CYP2C19: variants seen among roughly 807,000 people sequenced by gnomAD.
The protein encoded by CYP2C19 is cytochrome P450 family 2 subfamily C member 19, also known as cytochrome P450 2C19.
Under a neutral mutation model 40.9 loss-of-function variants are expected in CYP2C19, and 59 were observed. That is an observed-to-expected ratio of 1.44 (90% CI 1.17 to 1.79). The LOEUF (loss-of-function observed/expected upper bound fraction) is 1.79. CYP2C19 is among the 40% of genes most tolerant of loss of function. The probability of loss-of-function intolerance (pLI) is 0.00; values close to 1 mark genes in which losing one functional copy is unlikely to be tolerated. For synonymous variants in CYP2C19, 253 were observed against 208.7 expected, an observed-to-expected ratio of 1.21 and a Z score of -1.83; for missense variants, 754 against 596.9, an observed-to-expected ratio of 1.26 and a Z score of -2.74.
At chr10:94,820,752 C>T (rs574483519) in intron 6 of CYP2C19, 115 bp downstream of exon 6, 61 of 1,325,838 alleles carry the variant, frequency 4.6e-5, no homozygotes, top group Non-Finnish European at 5.5e-5. Flanking sequence ...TTTCTGTGCC[C>T]GCAGCTGTAA....
At position 94,848,685 on chromosome 10, in the gene CYP2C19, A is replaced by G. The variant is rs926481054; in HGVS notation, c.1150-1232A>G. Among the ~76,000 whole-genome samples, 15 of 152,116 alleles carry G rather than the reference A, an allele frequency of 9.9e-5. No individual in the cohort carries two copies. The South Asian group carries it at 1.9e-3, about 19-fold the overall frequency. ...CCTTGGGCAGTATGGCCATTTTCAC[A>G]ATATTGATTCTTCCTACCTATGAGC... On this transcript the variant is annotated intron_variant, in intron 7 of 8. Transcript: ENST00000371321.
intron 4 of CYP2C19, 115 bp from the exon 5 acceptor site, chr10:94,781,706 A>T: frequency 2.3e-6 from 1 of 429,792 alleles, no homozygotes. Context: ...CCCCATCAAG[A>T]TATACAATAT....
chr10:94,809,779 A>G (rs971246199), intron 5 of CYP2C19, among the ~76,000 whole-genome samples: 10 of 151,954 alleles, frequency 6.6e-5, no homozygotes, highest in Non-Finnish European at 1.3e-4. Flanking sequence ...CATGAAGGGG[A>G]GTTGAATTTT....
chr10:94,808,118 A>T (rs1027722744), intron 5 of CYP2C19, among the ~76,000 whole-genome samples: 2 of 152,118 alleles, frequency 1.3e-5, no homozygotes, highest in Non-Finnish European at 2.9e-5. Flanking sequence ...TATTTAATGA[A>T]AAGACTGTTC....
chr10:94,845,030 C>A (rs1849551478), intron 7 of CYP2C19, among the ~76,000 whole-genome samples: 1 of 152,148 alleles, frequency 6.6e-6, no homozygotes, highest in African/African-American at 2.4e-5. Context: ...GGAAATCACC[C>A]ACTGAATCCC....
At chr10:94,852,174 G>A (rs760518731) in intron 8 of CYP2C19, among the ~76,000 whole-genome samples, 1 of 152,128 alleles carries the variant, frequency 6.6e-6, no homozygotes, top group South Asian at 2.1e-4. Context: ...GAATGTGAGG[G>A]TCCAGGTCAA....
intron 6 of CYP2C19, among the ~76,000 whole-genome samples, chr10:94,822,613 A>G (rs529365969): frequency 6.6e-6 from 1 of 152,272 alleles, no homozygotes; most frequent in South Asian, 2.1e-4. Context: ...TGGGTCAACT[A>G]AAGTTCTATT....
intron 5 of CYP2C19, among the ~76,000 whole-genome samples, chr10:94,816,970 G>C (rs61886226): frequency 8.6e-6 from 1 of 116,272 alleles, no homozygotes; most frequent in South Asian, 3.6e-4. Context: ...TCTTAATCCA[G>C]TCTATCATTG....
chr10:94,853,835 TG>T lies in CYP2C19; in HGVS notation c.*922del, dbSNP rs1267266541. Among the ~76,000 whole-genome samples the T allele has an allele frequency of 6.6e-6, 1 of 151,880 alleles. No individual in the cohort carries two copies. The highest frequency in any genetic ancestry group is 6.6e-5 in the Admixed American group (1 of 15,256). ...TGCTGGGATTACAGGAGTGAGACAC[TG>T]TGCCTGGTCTAATGTTACTTTAAAG... On this transcript the variant is annotated 3_prime_UTR_variant, in exon 9 of 9. Coordinates refer to ENST00000371321, the MANE Select transcript of CYP2C19 (RefSeq NM_000769.4).
rs143138959 is a variant in CYP2C19, at chr10:94,782,583, C to G, written c.819+586C>G. On this transcript the variant is annotated intron_variant, in intron 5 of 8. Transcript: ENST00000371321. ...CTCAAGGATCTAGAACTAGAAATAC[C>G]ATTTGACCCAGCAATCCAATTACTG... 1.8e-3 allele frequency among the ~76,000 whole-genome samples: 275 copies of G among 152,146 alleles called. 7 individuals are homozygous for G. In the East Asian group the frequency reaches 0.044, roughly 25 times the overall value.
At chr10:94,765,523 G>C (rs574142301) in intron 1 of CYP2C19, among the ~76,000 whole-genome samples, 1 of 152,214 alleles carries the variant, frequency 6.6e-6, no homozygotes, top group East Asian at 1.9e-4. Context: ...AGGGGTGTTG[G>C]GAGCAAACTG....
At position 94,762,875 on chromosome 10, in the gene CYP2C19, T is replaced by C; in HGVS notation, c.168+2T>C. 1 of 1,612,934 alleles carries C rather than the reference T, an allele frequency of 6.2e-7. No individual in the cohort carries two copies. Among genetic ancestry groups the C allele is most frequent in the Non-Finnish European group, 8.5e-7 (1 of 1,179,042 alleles). On this transcript the variant is annotated splice_donor_variant, in intron 1 of 8. Transcript: ENST00000371321. LOFTEE classifies it high-confidence loss of function. ...GATGTCAGCAAATCCTTAACCAATG[T>C]AAGTATGCTCCTTCAGTGGCTTGCA...
At chr10:94,774,493 T>C (rs1241581822) in intron 1 of CYP2C19, 1 of 158,458 alleles carries the variant, frequency 6.3e-6, no homozygotes, top group Non-Finnish European at 1.4e-5. Context: ...GTGGAGACTA[T>C]TGGCCCAGCA....
intron 5 of CYP2C19, among the ~76,000 whole-genome samples, chr10:94,818,617 G>C (rs969991669): frequency 6.9e-6 from 1 of 145,916 alleles, no homozygotes; most frequent in Admixed American, 6.9e-5. Context: ...TCCCTTGTAA[G>C]TTGGATTCCT....
At chr10:94,814,354 T>A (rs1444359993) in intron 5 of CYP2C19, among the ~76,000 whole-genome samples, 4 of 152,160 alleles carry the variant, frequency 2.6e-5, no homozygotes, top group Admixed American at 1.3e-4. Context: ...GTCCCTTTGG[T>A]GGTGCCATAT....
chr10:94,821,776 G>T (rs974288354), intron 6 of CYP2C19, among the ~76,000 whole-genome samples: 7 of 151,652 alleles, frequency 4.6e-5, no homozygotes, highest in Non-Finnish European at 7.4e-5. Context: ...AACCTATAAC[G>T]TTCTAGAAGA....
intron 8 of CYP2C19, among the ~76,000 whole-genome samples, chr10:94,851,304 C>T (rs1356533324): frequency 6.7e-6 from 1 of 149,146 alleles, no homozygotes; most frequent in Non-Finnish European, 1.5e-5. Context: ...TGAGAACTCA[C>T]TCACTATCAT....
At chr10:94,771,653 C>A (rs1248261773) in intron 1 of CYP2C19, among the ~76,000 whole-genome samples, 1 of 152,014 alleles carries the variant, frequency 6.6e-6, no homozygotes, top group East Asian at 1.9e-4. Flanking sequence ...GCCTGATTGT[C>A]TCTCATCGGA....
intron 8 of CYP2C19, among the ~76,000 whole-genome samples, chr10:94,850,276 G>A (rs1267153044): frequency 6.6e-6 from 1 of 152,120 alleles, no homozygotes; most frequent in East Asian, 1.9e-4. Flanking sequence ...TCCAAATTGA[G>A]AAAGCTGAAG....
Sources: gnomAD v4.1 joint callset for allele counts (sites outside exome capture counted in the v4.1 genomes callset) on GRCh38, gnomAD v4.1.1 for gene constraint, MANE v1.5 for transcripts, NCBI Gene and HGNC (gene_info 2026-07-23, HGNC 2026-07-21) for gene names.